TTC29: variants seen among roughly 807,000 people sequenced by gnomAD.
TTC29 encodes the protein tetratricopeptide repeat domain 29, also known as tetratricopeptide repeat protein 29.
Under a neutral mutation model 58.1 loss-of-function variants are expected in TTC29, and 49 were observed. The ratio of observed to expected loss-of-function variants is 0.84; its 90% CI spans 0.67 to 1.07. The LOEUF (loss-of-function observed/expected upper bound fraction) is 1.07, where lower values mean the gene tolerates loss of function less well. Ranked by LOEUF, TTC29 falls within the 50% of genes least tolerant of loss-of-function variation. The pLI is 0.00. For missense variants in TTC29, 582 were observed against 555.6 expected, an observed-to-expected ratio of 1.05 and a Z score of -0.48; for synonymous variants, 209 against 196.8, an observed-to-expected ratio of 1.06 and a Z score of -0.52.
chr4:146,734,816 CCAGGCT>C (rs764123481), intron 11 of TTC29, among the ~76,000 whole-genome samples: 4 of 151,954 alleles, frequency 2.6e-5, no homozygotes, highest in Non-Finnish European at 5.9e-5. Flanking sequence ...CTAGACTGGC[CCAGGCT>C]CAGGAAAACA....
intron 6 of TTC29, among the ~76,000 whole-genome samples, chr4:146,883,421 T>G (rs1394924425): frequency 6.6e-6 from 1 of 152,044 alleles, no homozygotes; most frequent in Non-Finnish European, 1.5e-5. Context: ...GTTTGCAATT[T>G]GTTGTGAATC....
intron 11 of TTC29, among the ~76,000 whole-genome samples, chr4:146,731,348 C>A (rs1034186065): frequency 4.0e-5 from 6 of 151,692 alleles, no homozygotes; most frequent in Non-Finnish European, 7.4e-5. Flanking sequence ...AGAGAACGAA[C>A]CAGGGAAATA....
chr4:146,908,083 T>C (rs1733646598), intron 5 of TTC29, among the ~76,000 whole-genome samples: 1 of 152,164 alleles, frequency 6.6e-6, no homozygotes, highest in Non-Finnish European at 1.5e-5. Flanking sequence ...GAGACTCTTC[T>C]AATGTTGTTT....
chr4:146,933,045 G>A (rs1272754471), intron 4 of TTC29, among the ~76,000 whole-genome samples: 2 of 144,050 alleles, frequency 1.4e-5, no homozygotes, highest in Non-Finnish European at 3.0e-5. Context: ...GTGACAGACC[G>A]AGACTCCGTC....
intron 8 of TTC29, among the ~76,000 whole-genome samples, chr4:146,856,803 C>A (rs1453019589): frequency 1.3e-5 from 2 of 151,250 alleles, no homozygotes; most frequent in African/African-American, 4.8e-5. Context: ...ATTCAATTTA[C>A]TAAGATTCTA....
At position 146,726,454 on chromosome 4, in the gene TTC29, G is replaced by T. The variant is rs531236902; in HGVS notation, c.1331-18903C>A. Among the ~76,000 whole-genome samples the T allele has an allele frequency of 5.9e-5, 9 of 151,682 alleles. No homozygotes were observed. The South Asian group carries it at 1.9e-3, about 32-fold the overall frequency. On this transcript the variant is annotated intron_variant, in intron 11 of 12. Transcript: ENST00000325106. The stretch of plus-strand genomic sequence containing the variant: ...ATACAGTGAGACTCTGTCTCAAAAA[G>T]AAAAAAAATATTTGACTCAGTACCT...
At chr4:146,730,081 G>T (rs1194585048) in intron 11 of TTC29, among the ~76,000 whole-genome samples, 1 of 151,952 alleles carries the variant, frequency 6.6e-6, no homozygotes, top group Non-Finnish European at 1.5e-5. Context: ...ATTTTTATAA[G>T]GGTTTTCATT....
intron 2 of TTC29, 96 bp from the exon 3 acceptor site, chr4:146,939,997 G>A (rs1736223192): frequency 1.7e-6 from 2 of 1,204,562 alleles, no homozygotes; most frequent in African/African-American, 3.1e-5. Context: ...TGTCATCTTA[G>A]TTGAGAATGC....
intron 10 of TTC29, among the ~76,000 whole-genome samples, chr4:146,819,490 A>T (rs1031225236): frequency 6.6e-6 from 1 of 152,228 alleles, no homozygotes; most frequent in African/African-American, 2.4e-5. Context: ...TTTCTAAAGG[A>T]GAATCGGTAA....
chr4:146,794,245 T>C (rs1373434030), intron 11 of TTC29, among the ~76,000 whole-genome samples: 1 of 152,148 alleles, frequency 6.6e-6, no homozygotes, highest in African/African-American at 2.4e-5. Flanking sequence ...TCTATATTTT[T>C]AGGGAATATT....
intron 10 of TTC29, among the ~76,000 whole-genome samples, chr4:146,811,032 T>C (rs1465579164): frequency 2.0e-5 from 3 of 152,198 alleles, no homozygotes; most frequent in South Asian, 4.1e-4. Flanking sequence ...CCAAAATTTC[T>C]GAAAAATATG....
intron 4 of TTC29, among the ~76,000 whole-genome samples, chr4:146,930,812 C>T (rs1187071751): frequency 3.3e-5 from 5 of 152,182 alleles, no homozygotes; most frequent in Non-Finnish European, 2.9e-5. Flanking sequence ...CTGGCTGATT[C>T]ATCCTCTGTG....
intron 8 of TTC29, among the ~76,000 whole-genome samples, chr4:146,859,119 A>G (rs1730063220): frequency 6.6e-6 from 1 of 152,148 alleles, no homozygotes; most frequent in African/African-American, 2.4e-5. Context: ...AGGAGATGAT[A>G]GGGAAGAGTG....
intron 11 of TTC29, among the ~76,000 whole-genome samples, chr4:146,717,267 G>C (rs1743003762): frequency 6.6e-6 from 1 of 151,984 alleles, no homozygotes; most frequent in Admixed American, 6.6e-5. Flanking sequence ...GCACTTGTAT[G>C]GTTATTATTA....
At chr4:146,817,734 G>C (rs1751511367) in intron 10 of TTC29, among the ~76,000 whole-genome samples, 2 of 152,092 alleles carry the variant, frequency 1.3e-5, no homozygotes, top group Non-Finnish European at 2.9e-5. Context: ...CCAAAACAGA[G>C]ATATAGATCA....
At chr4:146,807,193 G>A (rs1369680115) in intron 10 of TTC29, among the ~76,000 whole-genome samples, 2 of 152,110 alleles carry the variant, frequency 1.3e-5, no homozygotes, top group Non-Finnish European at 2.9e-5. Context: ...AAACCAATGA[G>A]AACAAAGACA....
At chr4:146,707,216 CT>C in intron 12 of TTC29, 28 bp from the exon 13 acceptor site, 1 of 1,397,828 alleles carries the variant, frequency 7.2e-7, no homozygotes, top group Non-Finnish European at 9.6e-7. Context: ...ATAAATTTAA[CT>C]TTTATACTGG....
chr4:146,816,997 C>G (rs1195256968), intron 10 of TTC29, among the ~76,000 whole-genome samples: 1 of 152,068 alleles, frequency 6.6e-6, no homozygotes, highest in Non-Finnish European at 1.5e-5. Flanking sequence ...TAGAGAAAAA[C>G]AGAAGTTTAT....
At chr4:146,712,509 A>ACAG (rs938685928) in intron 11 of TTC29, among the ~76,000 whole-genome samples, 5 of 152,104 alleles carry the variant, frequency 3.3e-5, no homozygotes, top group African/African-American at 1.2e-4. Flanking sequence ...ATCCTGGAAC[A>ACAG]CAGCCAGACA....
Sources: allele counts gnomAD v4.1 joint callset (sites outside exome capture counted in the v4.1 genomes callset), GRCh38; gene constraint gnomAD v4.1.1; transcripts MANE v1.5; gene names NCBI Gene and HGNC (gene_info 2026-07-23, HGNC 2026-07-21).